Variants in NFATC2 observed in about 807,000 individuals in gnomAD.
The protein encoded by NFATC2 is nuclear factor of activated T-cells, cytoplasmic 2.
A neutral mutation model predicts 87.3 loss-of-function variants in NFATC2; 22 were observed. The ratio of observed to expected loss-of-function variants is 0.25; its 90% CI spans 0.18 to 0.36. The LOEUF (loss-of-function observed/expected upper bound fraction) is 0.36. NFATC2 is among the 10% of genes least tolerant of loss of function. The probability of loss-of-function intolerance (pLI) is 1.00; values close to 1 mark genes in which losing one functional copy is unlikely to be tolerated. For missense variants in NFATC2, 1,149 were observed against 1,259.1 expected (o/e 0.91, Z 1.32); for synonymous variants, 565 against 542.2 (o/e 1.04, Z -0.58).
chr20:51,551,339 C>T (rs1250988679), intron 1 of NFATC2, among the ~76,000 whole-genome samples: 2 of 152,144 alleles, frequency 1.3e-5, no homozygotes, highest in Admixed American at 1.3e-4. Flanking sequence ...TCCATGTGAG[C>T]CACACTGCAC....
rs191373851 is a variant in NFATC2, at chr20:51,409,603, G to C, written c.2723-10873C>G. Among the ~76,000 whole-genome samples, 424 of 152,300 alleles carry C rather than the reference G, an allele frequency of 2.8e-3. 1 individual carries two copies. Among genetic ancestry groups the C allele is most frequent in the Non-Finnish European group, 5.3e-3 (359 of 68,030 alleles). ...CCACCAGACCCACCTGCCTCCTGAC[G>C]GAGGAACACGCCACACCGATGGGAC... On this transcript the variant is annotated intron_variant, in intron 9 of 10. Coordinates refer to ENST00000371564, the MANE Select transcript of NFATC2 (RefSeq NM_012340.5).
intron 1 of NFATC2, among the ~76,000 whole-genome samples, chr20:51,553,932 C>G (rs2076956177): frequency 6.6e-6 from 1 of 152,242 alleles, no homozygotes; most frequent in East Asian, 1.9e-4. Context: ...ACTGTCCCCC[C>G]TCAGTCACCC....
At position 51,458,642 on chromosome 20, in the gene NFATC2, C is replaced by CAA. The variant is rs546708576; in HGVS notation, c.1709-3956_1709-3955dup. Among the ~76,000 whole-genome samples, 976 of 127,692 alleles carry CAA rather than the reference C, an allele frequency of 7.6e-3. 14 individuals carry two copies. Among genetic ancestry groups the CAA allele is most frequent in the African/African-American group, 0.025 (912 of 36,032 alleles). 83.8% of individuals were successfully genotyped at this position (127,692 alleles called of 152,430 possible). ...TGAAACCCCGTCTCTACTAAAACTC[C>CAA]AAAAAAAAAAAAAAAGAAATTATCT... On this transcript the variant is annotated intron_variant, in intron 5 of 10. Coordinates refer to ENST00000371564, the MANE Select transcript of NFATC2 (RefSeq NM_012340.5).
chr20:51,542,771 GCGGGGACA>G (rs1568751275), upstream of NFATC2: 6 of 548,864 alleles, frequency 1.1e-5, no homozygotes, highest in Non-Finnish European at 1.3e-5. Flanking sequence ...GGGCGTGGAG[GCGGGGACA>G]GGGCGGCCAG....
At chr20:51,521,510 G>A (rs1467571696) in intron 2 of NFATC2, among the ~76,000 whole-genome samples, 1 of 152,168 alleles carries the variant, frequency 6.6e-6, no homozygotes, top group African/African-American at 2.4e-5. Flanking sequence ...TAATAGAGAT[G>A]GGGTTTCGCC....
At chr20:51,528,056 A>G (rs1357657761) in intron 1 of NFATC2, among the ~76,000 whole-genome samples, 1 of 149,528 alleles carries the variant, frequency 6.7e-6, no homozygotes, top group Admixed American at 6.7e-5. Flanking sequence ...ACCACCTCCC[A>G]GCTTGGGTGA....
At chr20:51,412,158 A>T (rs1979350760) in intron 9 of NFATC2, among the ~76,000 whole-genome samples, 1 of 152,070 alleles carries the variant, frequency 6.6e-6, no homozygotes, top group South Asian at 2.1e-4. Context: ...ATAATAAGAA[A>T]CCAAGGGCTA....
At chr20:51,435,139 G>A in intron 8 of NFATC2, 49 bp downstream of exon 8, 2 of 1,608,062 alleles carry the variant, frequency 1.2e-6, no homozygotes, top group Non-Finnish European at 1.7e-6. Context: ...TGAGCCCTGT[G>A]CCTGTACTGC....
Position 51,517,082 on chromosome 20 carries a change from G to A in NFATC2, c.1161-127C>T, listed in dbSNP as rs115555035. On this transcript the variant is annotated intron_variant, in intron 2 of 10. Transcript: ENST00000371564. ...ATGTATTGCTCAACAATGAGGATAC[G>A]TTCCGGGAAATGCACCATTATGTGA... 5.0e-3 allele frequency: 4,944 copies of A among 992,652 alleles called. 142 individuals are homozygous for A. In the African/African-American group the frequency reaches 0.069, roughly 14 times the overall value. 61.5% of individuals were successfully genotyped at this position (992,652 alleles called of 1,614,324 possible).
At chr20:51,451,434 G>A (rs11698529) in intron 6 of NFATC2, among the ~76,000 whole-genome samples, 2,780 of 152,336 alleles carry the variant, frequency 0.018, 51 homozygotes, top group Non-Finnish European at 0.026. Context: ...AACTTGGGCC[G>A]CACTACTGGT....
At chr20:51,560,865 G>T (rs1166778113) in intron 1 of NFATC2, among the ~76,000 whole-genome samples, 1 of 152,068 alleles carries the variant, frequency 6.6e-6, no homozygotes, top group Non-Finnish European at 1.5e-5. Flanking sequence ...ATACACCTGG[G>T]GCACAGAGTT....
rs78734050 is a variant in NFATC2, at chr20:51,418,421, T to C, written c.2722+13646A>G. Among the ~76,000 whole-genome samples the C allele has an allele frequency of 3.3e-3, 503 of 152,322 alleles. 2 individuals carry two copies. The highest frequency in any genetic ancestry group is 0.012 in the African/African-American group (481 of 41,560). On this transcript the variant is annotated intron_variant, in intron 9 of 10. Transcript: ENST00000371564. ...GGTGCATTGAGGCCAGGAACGCTGG[T>C]ACACATCCTTTCATGCACAGGATAG...
intron 9 of NFATC2, among the ~76,000 whole-genome samples, chr20:51,414,301 T>C (rs994150215): frequency 4.6e-5 from 7 of 152,172 alleles, no homozygotes; most frequent in Non-Finnish European, 1.0e-4. Flanking sequence ...AAAGAGACCA[T>C]GTTCATTTCC....
rs1360166248 is a variant in NFATC2, at chr20:51,483,606, T to TC, written c.1333-7947dup. Among the ~76,000 whole-genome samples, 5 of 54,202 alleles carry TC rather than the reference T, an allele frequency of 9.2e-5. No individual in the cohort carries two copies. In the South Asian group the frequency reaches 2.4e-3, roughly 26 times the overall value. The allele number at this position is 54,202 out of a possible 152,430, so 35.6% of individuals were successfully genotyped here. On this transcript the variant is annotated intron_variant, in intron 3 of 10. Coordinates refer to ENST00000371564, the MANE Select transcript of NFATC2 (RefSeq NM_012340.5). ...CATCCTAACCCCACCTTCCACCCTC[T>TC]CCCCCCCACCACACACACACACACA...
chr20:51,433,758 CATGT>C (rs757626474), intron 8 of NFATC2, among the ~76,000 whole-genome samples: 36 of 89,014 alleles, frequency 4.0e-4, no homozygotes, highest in South Asian at 8.6e-4. Flanking sequence ...TTCATGCATG[CATGT>C]GTGTGTGTGT....
intron 3 of NFATC2, among the ~76,000 whole-genome samples, chr20:51,483,170 G>T (rs2146547511): frequency 6.6e-6 from 1 of 150,994 alleles, no homozygotes; most frequent in Non-Finnish European, 1.5e-5. Context: ...TACAAACACT[G>T]CAATAAGAAC....
At position 51,562,150 on chromosome 20, in the gene NFATC2, T is replaced by G. The variant is rs1026809010; in HGVS notation, c.70+410A>C. Among the ~76,000 whole-genome samples the G allele has an allele frequency of 1.3e-5, 2 of 152,186 alleles. No individual in the cohort carries two copies. The highest frequency in any genetic ancestry group is 2.9e-5 in the Non-Finnish European group (2 of 68,040). On this transcript the variant is annotated intron_variant, in intron 1 of 10. Coordinates refer to the NFATC2 transcript ENST00000414705. This position sits in a 1 kb window ranked among gnomAD's most constrained non-coding sequence, Gnocchi z 5.8. The stretch of plus-strand genomic sequence containing the variant: ...ATAGTAAAATGCCAAGCCTGTTCTC[T>G]TAAAAGAAAAAAAAGTAATAATAAT...
intron 1 of NFATC2, among the ~76,000 whole-genome samples, chr20:51,537,278 G>A (rs948755362): frequency 2.0e-5 from 3 of 151,072 alleles, no homozygotes; most frequent in Admixed American, 6.6e-5. Flanking sequence ...GGTATGTGGT[G>A]AGGGGGCAGT....
rs1989158006 is a variant in NFATC2 at position 51,480,502 on chromosome 20, T to C, written c.1333-4842A>G. 6.6e-6 allele frequency among the ~76,000 whole-genome samples: 1 copy of C among 152,160 alleles called. No individual in the cohort carries two copies. Among genetic ancestry groups the C allele is most frequent in the Non-Finnish European group, 1.5e-5 (1 of 68,028 alleles). On this transcript the variant is annotated intron_variant, in intron 3 of 10. Coordinates refer to ENST00000371564, the MANE Select transcript of NFATC2 (RefSeq NM_012340.5). The surrounding 1 kb of genome is among the most constrained non-coding windows in gnomAD (Gnocchi z 4.2). ...GCCTCTGGGTTGAGCTGGGCTGGCT[T>C]ATACAATGTGAGCAGATAGAATCCA...
Sources: allele counts gnomAD v4.1 joint callset (sites outside exome capture counted in the v4.1 genomes callset), GRCh38; gene constraint gnomAD v4.1.1; non-coding constraint Gnocchi (gnomAD v3.1); transcripts MANE v1.5; gene names NCBI Gene and HGNC (gene_info 2026-07-23, HGNC 2026-07-21).